The following COL28A1 variants were observed in gnomAD, a reference collection of about 807,000 sequenced individuals.
COL28A1 encodes the protein collagen type XXVIII alpha 1 chain.
Under a neutral mutation model 150.2 loss-of-function variants are expected in COL28A1, and 161 were observed. The ratio of observed to expected loss-of-function variants is 1.07; its 90% CI spans 0.94 to 1.22. The LOEUF is 1.22. Ranked by LOEUF, COL28A1 falls within the 50% of genes most tolerant of loss-of-function variation. The pLI is 0.00. For missense variants in COL28A1, 1,617 were observed against 1,388.3 expected (o/e 1.16, Z -2.62); for synonymous variants, 552 against 469.7 (o/e 1.18, Z -2.26).
chr7:7,404,067 T>G (rs73674525), intron 27 of COL28A1, among the ~76,000 whole-genome samples: 2 of 152,148 alleles, frequency 1.3e-5, no homozygotes, highest in South Asian at 4.1e-4. Context: ...TTTTTTTAAT[T>G]GCACATCAAT....
chr7:7,520,843 A>G (rs931062319), intron 5 of COL28A1, among the ~76,000 whole-genome samples: 1 of 152,230 alleles, frequency 6.6e-6, no homozygotes, highest in Non-Finnish European at 1.5e-5. Context: ...TTGGTGTCAT[A>G]GAGATAAACG....
At chr7:7,413,984 T>G (rs953299848) in intron 27 of COL28A1, among the ~76,000 whole-genome samples, 16 of 152,126 alleles carry the variant, frequency 1.1e-4, no homozygotes, top group Admixed American at 1.0e-3. Context: ...TGAAAATAAG[T>G]ACTAAGGGAA....
At chr7:7,408,634 T>C (rs17516739) in intron 27 of COL28A1, among the ~76,000 whole-genome samples, 1 of 152,156 alleles carries the variant, frequency 6.6e-6, no homozygotes, top group Non-Finnish European at 1.5e-5. Context: ...CAGCTACACA[T>C]GCCAGCCCAG....
intron 13 of COL28A1, among the ~76,000 whole-genome samples, chr7:7,482,183 T>C (rs1779362950): frequency 6.6e-6 from 1 of 152,186 alleles, no homozygotes; most frequent in Non-Finnish European, 1.5e-5. Context: ...AGTAGAATCT[T>C]TGTCAGCCCT....
At chr7:7,391,974 G>GC (rs1782571372) in intron 27 of COL28A1, among the ~76,000 whole-genome samples, 1 of 151,920 alleles carries the variant, frequency 6.6e-6, no homozygotes, top group African/African-American at 2.4e-5. Flanking sequence ...GGGGCATTTA[G>GC]CCCGTTTACA....
the COL28A1 span, among the ~76,000 whole-genome samples, chr7:7,340,047 A>G: frequency 6.6e-6 from 1 of 152,098 alleles, no homozygotes. Flanking sequence ...CTGGAGTACA[A>G]TGGTGTGATC....
At chr7:7,388,876 T>A (rs1402094254) in intron 27 of COL28A1, among the ~76,000 whole-genome samples, 2 of 152,068 alleles carry the variant, frequency 1.3e-5, no homozygotes, top group African/African-American at 4.8e-5. Context: ...ATTTAAGTTC[T>A]TTGTAGATTC....
At chr7:7,364,069 G>A (rs1257725132) in intron 33 of COL28A1, among the ~76,000 whole-genome samples, 2 of 152,084 alleles carry the variant, frequency 1.3e-5, no homozygotes, top group Non-Finnish European at 2.9e-5. Flanking sequence ...CACAGCCTAG[G>A]AAAAGTTGGT....
At chr7:7,363,972 TCCAC>T (rs1780804898) in intron 33 of COL28A1, among the ~76,000 whole-genome samples, 1 of 152,014 alleles carries the variant, frequency 6.6e-6, no homozygotes, top group African/African-American at 2.4e-5. Flanking sequence ...AACCTTGTCT[TCCAC>T]TACTCCCAGA....
At chr7:7,475,827 C>T (rs1788822478) in intron 14 of COL28A1, among the ~76,000 whole-genome samples, 2 of 152,160 alleles carry the variant, frequency 1.3e-5, no homozygotes, top group African/African-American at 4.8e-5. Context: ...GACCTGTCTT[C>T]TGATAGTGAT....
At chr7:7,360,564 A>C in intron 33 of COL28A1, 36 bp from the exon 34 acceptor site, 2 of 1,569,466 alleles carry the variant, frequency 1.3e-6, no homozygotes, top group Non-Finnish European at 1.7e-6. Context: ...GTTTCTGATA[A>C]TATCAAGTAA....
At chr7:7,339,020 C>T in the COL28A1 span, among the ~76,000 whole-genome samples, 1 of 152,144 alleles carries the variant, frequency 6.6e-6, no homozygotes, top group Non-Finnish European at 1.5e-5. Context: ...TCTGAGTAGG[C>T]TCATCCTAGA....
At chr7:7,475,092 A>G (rs545673190) in intron 14 of COL28A1, among the ~76,000 whole-genome samples, 15 of 152,178 alleles carry the variant, frequency 9.9e-5, no homozygotes, top group Non-Finnish European at 2.2e-4. Flanking sequence ...AATACTTGCT[A>G]GGATTAGATT....
intron 11 of COL28A1, among the ~76,000 whole-genome samples, chr7:7,497,171 C>A (rs757194822): frequency 3.9e-5 from 6 of 152,070 alleles, no homozygotes; most frequent in Non-Finnish European, 7.4e-5. Flanking sequence ...TTAAATCAAG[C>A]TCCATTTTTA....
At chr7:7,467,755 A>C (rs1231486924) in intron 15 of COL28A1, among the ~76,000 whole-genome samples, 2 of 101,902 alleles carry the variant, frequency 2.0e-5, no homozygotes, top group African/African-American at 9.2e-5. Flanking sequence ...ATAACAAACT[A>C]TCTCTCAGAC....
At chr7:7,385,227 G>A (rs1782111715) in intron 27 of COL28A1, among the ~76,000 whole-genome samples, 1 of 152,226 alleles carries the variant, frequency 6.6e-6, no homozygotes, top group Non-Finnish European at 1.5e-5. Flanking sequence ...TTGTGGAGGT[G>A]AATGAGGACA....
intron 11 of COL28A1, among the ~76,000 whole-genome samples, chr7:7,500,883 G>A (rs1229679504): frequency 6.6e-6 from 1 of 152,168 alleles, no homozygotes; most frequent in Admixed American, 6.5e-5. Flanking sequence ...CTGTGGTGTG[G>A]TGCAAGCTTC....
intron 11 of COL28A1, among the ~76,000 whole-genome samples, chr7:7,500,316 C>T (rs1780447947): frequency 6.6e-6 from 1 of 152,234 alleles, no homozygotes; most frequent in African/African-American, 2.4e-5. Flanking sequence ...CTTTTATTCA[C>T]TCATTCATTC....
intron 27 of COL28A1, among the ~76,000 whole-genome samples, chr7:7,407,084 A>C (rs1783530735): frequency 6.6e-6 from 1 of 152,136 alleles, no homozygotes; most frequent in Non-Finnish European, 1.5e-5. Context: ...AGCTGAAGAA[A>C]GATTTAATGA....
Sources: allele counts gnomAD v4.1 joint callset (sites outside exome capture counted in the v4.1 genomes callset), GRCh38; gene constraint gnomAD v4.1.1; transcripts MANE v1.5; gene names NCBI Gene and HGNC (gene_info 2026-07-23, HGNC 2026-07-21).